The following PDXDC1 variants were observed in gnomAD, a reference collection of about 807,000 sequenced individuals.
PDXDC1 encodes the protein pyridoxal-dependent decarboxylase domain-containing protein 1.
In PDXDC1, 42 loss-of-function variants were observed where a neutral mutation model predicts 100.1. The observed-to-expected ratio is 0.42, with a 90% confidence interval of 0.33 to 0.54. The LOEUF (loss-of-function observed/expected upper bound fraction) is 0.54. PDXDC1 is among the 20% of genes least tolerant of loss of function. The pLI, the probability that PDXDC1 is intolerant of heterozygous loss-of-function variation, is 0.10. For missense variants in PDXDC1, 636 were observed against 979.2 expected (o/e 0.65, Z 4.68); for synonymous variants, 260 against 371.7 (o/e 0.70, Z 3.46).
At chr16:15,018,997 C>G (rs371608433) in intron 12 of PDXDC1, 32 bp downstream of exon 12, 1 of 1,597,986 alleles carries the variant, frequency 6.3e-7, no homozygotes, top group Non-Finnish European at 8.6e-7. Context: ...AAATGAAAGA[C>G]TCCTTGGCCA....
chr16:15,040,787 T>C (rs1357984876), downstream of PDXDC1, among the ~76,000 whole-genome samples: 1 of 152,196 alleles, frequency 6.6e-6, no homozygotes, highest in Non-Finnish European at 1.5e-5. Context: ...AACCAGGCAC[T>C]TTCCCAGCTC....
chr16:15,084,567 CATTTT>C (rs1394178163), intron 16 of PDXDC1: 2 of 1,081,694 alleles, frequency 1.8e-6, no homozygotes, highest in Non-Finnish European at 2.8e-6. Context: ...ATACTATTAA[CATTTT>C]ATAATTTTTA....
chr16:15,086,767 G>A (rs2045930885), intron 16 of PDXDC1, among the ~76,000 whole-genome samples: 1 of 152,320 alleles, frequency 6.6e-6, no homozygotes, highest in African/African-American at 2.4e-5. Context: ...TTTAAAAACT[G>A]CAGCATTCTA....
intron 16 of PDXDC1, chr16:15,068,393 C>T: frequency 2.2e-6 from 3 of 1,348,474 alleles, no homozygotes; most frequent in Admixed American, 2.9e-5. Context: ...AAATTATTTG[C>T]AGAAATGCTT....
the PDXDC1 span, among the ~76,000 whole-genome samples, chr16:15,149,781 C>T: frequency 2.6e-5 from 4 of 152,064 alleles, no homozygotes; most frequent in African/African-American, 9.7e-5. Context: ...TGAGTGGCAA[C>T]CAGCACCAGA....
At chr16:15,143,374 TGG>T, downstream of PDXDC1, among the ~76,000 whole-genome samples, 1 of 152,236 alleles carries the variant, frequency 6.6e-6, no homozygotes, top group South Asian at 2.1e-4. Flanking sequence ...CTGTCACAGG[TGG>T]GGCCACGTCC....
At chr16:15,131,022 C>A (rs1020960551) in intron 16 of PDXDC1, 13 of 1,223,790 alleles carry the variant, frequency 1.1e-5, no homozygotes, top group African/African-American at 3.0e-5. Flanking sequence ...GGAAGCCCTA[C>A]GAGAAACGCC....
At chr16:15,070,276 G>C (rs745615596) in intron 16 of PDXDC1, 3 of 1,611,328 alleles carry the variant, frequency 1.9e-6, no homozygotes, top group South Asian at 2.2e-5. Flanking sequence ...AAAAATTCAA[G>C]TCAACTTTAC....
At chr16:15,027,248 A>G (rs766183933) in intron 14 of PDXDC1, among the ~76,000 whole-genome samples, 1 of 152,294 alleles carries the variant, frequency 6.6e-6, no homozygotes, top group Non-Finnish European at 1.5e-5. Context: ...AGGGCATGTG[A>G]TGGGGGTGTG....
chr16:15,038,992 A>T (rs916299841), downstream of PDXDC1, among the ~76,000 whole-genome samples: 3 of 152,186 alleles, frequency 2.0e-5, no homozygotes, highest in Non-Finnish European at 2.9e-5. Context: ...TTACGTGTCC[A>T]GTAAGCCTCA....
chr16:15,007,866 C>T (rs536605079), intron 6 of PDXDC1, among the ~76,000 whole-genome samples: 12 of 152,416 alleles, frequency 7.9e-5, no homozygotes, highest in African/African-American at 2.6e-4. Context: ...TTGGGAATGG[C>T]AGCTGGCAGA....
In PDXDC1 at chr16:15,069,589, T is replaced by C. The variant is rs548612486; in HGVS notation, c.1399+39533T>C. Among the ~76,000 whole-genome samples the C allele has an allele frequency of 1.6e-3, 241 of 152,344 alleles. 1 individual carries two copies. The highest frequency in any genetic ancestry group is 0.014 in the Middle Eastern group (4 of 294). ...GTTTAATCTATATAAACTCAAACTT[T>C]AGGGTCAGCCAAACCTGGCTTCAGT... On this transcript the variant is annotated intron_variant, in intron 16 of 16. Coordinates refer to the PDXDC1 transcript ENST00000535621.
chr16:15,087,455 C>A (rs1178394320), intron 16 of PDXDC1, among the ~76,000 whole-genome samples: 1 of 152,228 alleles, frequency 6.6e-6, no homozygotes, highest in African/African-American at 2.4e-5. Flanking sequence ...AGGCTATCCT[C>A]TGTCCACCGT....
chr16:14,990,066 A>G (rs1172409869), intron 1 of PDXDC1: 1 of 1,494,520 alleles, frequency 6.7e-7, no homozygotes, highest in South Asian at 1.2e-5. Flanking sequence ...AAACCACAGA[A>G]GCAGCAGTAG....
chr16:14,993,757 C>T (rs1440999520), intron 1 of PDXDC1, among the ~76,000 whole-genome samples: 1 of 152,304 alleles, frequency 6.6e-6, no homozygotes, highest in Non-Finnish European at 1.5e-5. Flanking sequence ...AGAGTCCCGC[C>T]AACAGTGTAA....
intron 16 of PDXDC1, among the ~76,000 whole-genome samples, chr16:15,048,523 A>C (rs2044171972): frequency 6.6e-6 from 1 of 151,072 alleles, no homozygotes; most frequent in African/African-American, 2.4e-5. Flanking sequence ...CCCAGCTATC[A>C]CAGTTCTTTA....
intron 7 of PDXDC1, 195 bp from the exon 8 acceptor site, chr16:15,009,486 C>T: frequency 6.8e-6 from 7 of 1,033,880 alleles, no homozygotes; most frequent in South Asian, 4.0e-5. Context: ...TTTTGTTTAA[C>T]TGATTTTTCT....
chr16:15,041,258 G>A, downstream of PDXDC1: 1 of 688,356 alleles, frequency 1.5e-6, no homozygotes, highest in Non-Finnish European at 2.6e-6. Context: ...AGGGATTGTG[G>A]CCCTGTTTCC....
intron 16 of PDXDC1, among the ~76,000 whole-genome samples, chr16:15,119,450 A>C (rs1298595645): frequency 1.4e-5 from 2 of 140,856 alleles, no homozygotes; most frequent in East Asian, 2.1e-4. Context: ...GTTCTGCTCC[A>C]CTCAGTCGCC....
Sources: allele counts gnomAD v4.1 joint callset (sites outside exome capture counted in the v4.1 genomes callset), GRCh38; gene constraint gnomAD v4.1.1; transcripts MANE v1.5; gene names NCBI Gene and HGNC (gene_info 2026-07-23, HGNC 2026-07-21).